TRIM71: variants seen among roughly 807,000 people sequenced by gnomAD.
TRIM71 encodes tripartite motif containing 71, also known as E3 ubiquitin-protein ligase TRIM71.
TRIM71 carries 9 observed loss-of-function variants against 61.2 expected under a neutral mutation model. That is an observed-to-expected ratio of 0.15 (90% confidence interval 0.09 to 0.26). The LOEUF is 0.26. Ranked by LOEUF, TRIM71 falls within the 10% of genes least tolerant of loss-of-function variation. TRIM71 has a pLI of 1.00. For missense variants in TRIM71, 998 were observed against 1,238.7 expected, an observed-to-expected ratio of 0.81 and a Z score of 2.92; for synonymous variants, 645 against 553.2, an observed-to-expected ratio of 1.17 and a Z score of -2.33.
At chr3:32,852,704 A>C (rs1173429897) in intron 1 of TRIM71, among the ~76,000 whole-genome samples, 1 of 151,786 alleles carries the variant, frequency 6.6e-6, no homozygotes, top group Non-Finnish European at 1.5e-5. Context: ...CCTCTGCCTG[A>C]GGATTACAGA....
chr3:32,891,536 T>C lies in TRIM71; in HGVS notation c.2332T>C (p.Cys778Arg). The change falls in exon 4 of 4, where the codon TGC (cysteine) becomes CGC (arginine). Residue 778 changes from cysteine to arginine, a missense_variant. By Grantham distance (180) the Cys-to-Arg change is radical. Coordinates refer to ENST00000383763, the MANE Select transcript of TRIM71 (RefSeq NM_001039111.3). The surrounding 1 kb of genome is among the most constrained non-coding windows in gnomAD (Gnocchi z 8.2). ...CCGGCTCCTGGTTATTCACCCCGACTGCCAGTCGGCACGCTTTCTGGGCTC... is the reference window on the plus strand; with the variant it reads ...CCGGCTCCTGGTTATTCACCCCGACCGCCAGTCGGCACGCTTTCTGGGCTC... ...NHRLLVIHPDCQSARFLGSEG... is the reference protein window; with the variant it reads ...NHRLLVIHPDRQSARFLGSEG... 1 of 1,613,528 alleles carries C rather than the reference T, an allele frequency of 6.2e-7. No homozygotes were observed. The highest frequency in any genetic ancestry group is 8.5e-7 in the Non-Finnish European group (1 of 1,179,706).
At chr3:32,820,503 G>A (rs1696115530) in intron 1 of TRIM71, among the ~76,000 whole-genome samples, 2 of 152,262 alleles carry the variant, frequency 1.3e-5, no homozygotes, top group East Asian at 1.9e-4. Context: ...GAGTGATTGA[G>A]GTAAATACCG....
chr3:32,889,558 C>CT (rs1559551837), intron 3 of TRIM71, among the ~76,000 whole-genome samples: 18 of 124,372 alleles, frequency 1.4e-4, no homozygotes, highest in Admixed American at 9.2e-4. Context: ...CGTTTTGTCC[C>CT]AATTATTATT....
At chr3:32,825,435 A>C (rs967020209) in intron 1 of TRIM71, among the ~76,000 whole-genome samples, 1 of 152,176 alleles carries the variant, frequency 6.6e-6, no homozygotes, top group Non-Finnish European at 1.5e-5. Context: ...TCTGGTGCTA[A>C]AAGTCACATG....
intron 1 of TRIM71, among the ~76,000 whole-genome samples, chr3:32,863,266 T>C (rs1371573210): frequency 7.7e-6 from 1 of 129,308 alleles, no homozygotes; most frequent in Non-Finnish European, 1.5e-5. Context: ...CTGACTGCGG[T>C]GGTGCATACA....
In TRIM71 at chr3:32,818,862, C is replaced by G; in HGVS notation, c.782C>G (p.Pro261Arg). The change falls in exon 1 of 4, where the codon CCC becomes CGC. Residue 261 changes from proline (P) to arginine (R), a missense_variant. Transcript: ENST00000383763. Reference sequence around the variant, plus strand: ...CAGCTCGGGCTCGGGCCGCCCTTTCCCGGCCCGCCCTTCTCCATCCTCTCA... The same window carrying G: ...CAGCTCGGGCTCGGGCCGCCCTTTCGCGGCCCGCCCTTCTCCATCCTCTCA... ...AQQLGLGPPF[P>R]GPPFSILSVF... 1 of 1,612,374 alleles carries G rather than the reference C, an allele frequency of 6.2e-7. No homozygotes were observed. The highest frequency in any genetic ancestry group is 8.5e-7 in the Non-Finnish European group (1 of 1,179,764).
At chr3:32,842,114 ACT>A (rs1696413717) in intron 1 of TRIM71, among the ~76,000 whole-genome samples, 1 of 152,126 alleles carries the variant, frequency 6.6e-6, no homozygotes, top group Non-Finnish European at 1.5e-5. Flanking sequence ...GAGAAAGGAA[ACT>A]CTCAGTGCTG....
rs71068090 is a variant in TRIM71, at chr3:32,826,582, C to CTTTTTTTTTTTTTTTTTTTT, written c.852+7653_852+7672dup. On this transcript the variant is annotated intron_variant, in intron 1 of 3. Coordinates refer to ENST00000383763, the MANE Select transcript of TRIM71 (RefSeq NM_001039111.3). The stretch of plus-strand genomic sequence containing the variant: ...AACTTTAATTCCCATCAGGTGAGTT[C>CTTTTTTTTTTTTTTTTTTTT]TTTTTTTTTTTTTTTTTTTTTTGAG... 6.0e-5 allele frequency among the ~76,000 whole-genome samples: 5 copies of CTTTTTTTTTTTTTTTTTTTT among 83,092 alleles called. 2 individuals carry two copies. Among genetic ancestry groups the CTTTTTTTTTTTTTTTTTTTT allele is most frequent in the African/African-American group, 1.5e-4 (3 of 19,382 alleles). 54.5% of individuals were successfully genotyped at this position (83,092 alleles called of 152,430 possible).
intron 1 of TRIM71, among the ~76,000 whole-genome samples, chr3:32,843,906 A>C (rs919576612): frequency 7.0e-6 from 1 of 142,926 alleles, no homozygotes; most frequent in Admixed American, 7.3e-5. Context: ...GAGGAGCTCC[A>C]TAAATCCTGC....
At chr3:32,883,139 T>C (rs1197138253) in intron 2 of TRIM71, among the ~76,000 whole-genome samples, 6 of 152,214 alleles carry the variant, frequency 3.9e-5, no homozygotes, top group African/African-American at 1.2e-4. Context: ...GCTTTCTCTC[T>C]TTTTCCCTGG....
At chr3:32,838,946 G>T (rs572076909) in intron 1 of TRIM71, among the ~76,000 whole-genome samples, 1 of 152,080 alleles carries the variant, frequency 6.6e-6, no homozygotes, top group African/African-American at 2.4e-5. Context: ...GATGACAGGT[G>T]CATGGCACCA....
At chr3:32,874,578 A>G (rs1696834880) in intron 2 of TRIM71, among the ~76,000 whole-genome samples, 1 of 151,968 alleles carries the variant, frequency 6.6e-6, no homozygotes, top group Non-Finnish European at 1.5e-5. Context: ...GCTGGAGTGC[A>G]GTGGCACGAT....
chr3:32,857,872 G>C (rs1696622714), intron 1 of TRIM71, among the ~76,000 whole-genome samples: 1 of 152,142 alleles, frequency 6.6e-6, no homozygotes, highest in African/African-American at 2.4e-5. Context: ...TCTGGAGGCT[G>C]AGGCATGAGA....
rs927693454 is a variant in TRIM71, at chr3:32,897,041, T to G, written c.*5230T>G. On this transcript the variant is annotated 3_prime_UTR_variant, in exon 4 of 4. Transcript: ENST00000383763. ...GGTAAGGGTGGGTGGGTAAGGGGTG[T>G]TGTTTTTTAACTAGCATGTTAGTTA... 6.6e-6 allele frequency: 1 copy of G among 150,560 alleles called. No individual in the cohort carries two copies. The highest frequency in any genetic ancestry group is 2.5e-5 in the African/African-American group (1 of 40,802). The allele number at this position is 150,560 out of a possible 1,614,324, so 9.3% of individuals were successfully genotyped here.
At chr3:32,864,938 G>T (rs1436522587) in intron 1 of TRIM71, among the ~76,000 whole-genome samples, 1 of 151,584 alleles carries the variant, frequency 6.6e-6, no homozygotes, top group Non-Finnish European at 1.5e-5. Flanking sequence ...AACATGGGGG[G>T]TGCCTGTCAT....
rs1049372397 is a variant in TRIM71 at position 32,897,165 on chromosome 3, G to C, written c.*5354G>C. ...CAAAATGCTTTAATTTTTAACTGCA[G>C]AACATGTGACTCGGTTGAGTCTTTT... On this transcript the variant is annotated 3_prime_UTR_variant, in exon 4 of 4. Coordinates refer to ENST00000383763, the MANE Select transcript of TRIM71 (RefSeq NM_001039111.3). The C allele has an allele frequency of 2.6e-5, 4 of 151,864 alleles. No homozygotes were observed. The East Asian group carries it at 5.8e-4, about 22-fold the overall frequency. The allele number at this position is 151,864 out of a possible 1,614,324, so 9.4% of individuals were successfully genotyped here.
chr3:32,873,775 G>A (rs369125229), intron 1 of TRIM71, 43 bp from the exon 2 acceptor site: 51 of 1,434,842 alleles, frequency 3.6e-5, no homozygotes, highest in Middle Eastern at 3.8e-4. Flanking sequence ...TCCTCCTCCC[G>A]TCCTGCATCT....
rs1697064423 is a variant in TRIM71 at position 32,895,066 on chromosome 3, G to A, written c.*3255G>A. The A allele has an allele frequency of 6.6e-6, 1 of 152,178 alleles. No homozygotes were observed. Among genetic ancestry groups the A allele is most frequent in the African/African-American group, 2.4e-5 (1 of 41,434 alleles). 9.4% of individuals were successfully genotyped at this position (152,178 alleles called of 1,614,324 possible). A position where few individuals can be genotyped will look rare whatever the true frequency, so the allele number is the denominator to read the frequency against. ...GATATATAGGTTTGAGTATTGAGAT[G>A]TTTAAAGGACATCTAACCCATAGGT... On this transcript the variant is annotated 3_prime_UTR_variant, in exon 4 of 4. Transcript: ENST00000383763.
intron 2 of TRIM71, among the ~76,000 whole-genome samples, chr3:32,876,721 C>T (rs1204217090): frequency 6.6e-6 from 1 of 152,160 alleles, no homozygotes. Context: ...TGCTGGTGCT[C>T]TCTGTGCTTA....
Sources: allele counts gnomAD v4.1 joint callset (sites outside exome capture counted in the v4.1 genomes callset), GRCh38; gene constraint gnomAD v4.1.1; non-coding constraint Gnocchi (gnomAD v3.1); transcripts MANE v1.5; gene names NCBI Gene and HGNC (gene_info 2026-07-23, HGNC 2026-07-21).